VPS13B: variants seen among roughly 807,000 people sequenced by gnomAD.
The protein encoded by VPS13B is vacuolar protein sorting 13 homolog B, also known as intermembrane lipid transfer protein VPS13B.
A neutral mutation model predicts 426.4 loss-of-function variants in VPS13B; 285 were observed. The observed-to-expected ratio is 0.67, with a 90% CI of 0.61 to 0.74. The LOEUF is 0.74. Among genes scored for constraint, VPS13B ranks in the 30% least tolerant of loss-of-function variants. The pLI, the probability that VPS13B is intolerant of heterozygous loss-of-function variation, is 0.00. For synonymous variants in VPS13B, 1,676 were observed against 1,676.4 expected (o/e 1.00, Z 0.01); for missense variants, 4,537 against 4,782.6 (o/e 0.95, Z 1.51).
chr8:99,334,187 A>G (rs1053554248), intron 19 of VPS13B, among the ~76,000 whole-genome samples: 1 of 152,028 alleles, frequency 6.6e-6, no homozygotes, highest in African/African-American at 2.4e-5. Flanking sequence ...CCCACCAACA[A>G]TGTGTGTTAC....
intron 17 of VPS13B, 67 bp downstream of exon 17, chr8:99,193,124 T>A: frequency 6.7e-7 from 1 of 1,490,428 alleles, no homozygotes; most frequent in South Asian, 1.1e-5. Context: ...TATTTTATTA[T>A]GAAAATCCAT....
At chr8:99,597,346 G>A (rs980676320) in intron 33 of VPS13B, among the ~76,000 whole-genome samples, 1 of 151,980 alleles carries the variant, frequency 6.6e-6, no homozygotes. Flanking sequence ...ATAAGTTTAG[G>A]TATAATACTG....
At chr8:99,034,995 A>G (rs1842680211) in intron 2 of VPS13B, among the ~76,000 whole-genome samples, 1 of 152,182 alleles carries the variant, frequency 6.6e-6, no homozygotes. Flanking sequence ...CAGGAGTTGA[A>G]GACAAGACTG....
chr8:99,730,186 G>T (rs187325636), intron 39 of VPS13B, among the ~76,000 whole-genome samples: 1 of 152,166 alleles, frequency 6.6e-6, no homozygotes, highest in Non-Finnish European at 1.5e-5. Flanking sequence ...GTCCCAGAAG[G>T]CTTTGCTCCT....
chr8:99,471,123 C>G (rs1819382858), intron 24 of VPS13B, among the ~76,000 whole-genome samples: 1 of 152,170 alleles, frequency 6.6e-6, no homozygotes, highest in Admixed American at 6.5e-5. Context: ...TTGTCACCAG[C>G]TGCTCTATTC....
chr8:99,871,535 G>C lies in VPS13B; in HGVS notation c.11583G>C (p.Gly3861=). ...LVRGSGQEHE[G]CLLLTSEVLF... ...GGGGCTCAGGCCAGGAGCATGAAGG[G>C]TGCTTGCTGCTGACATCAGAAGTGC... is the stretch of plus-strand genomic sequence containing the variant. Residue 3861 remains glycine, a synonymous_variant, in exon 61 of 62, where the codon GGG becomes GGC. Transcript: ENST00000357162. The C allele has an allele frequency of 6.2e-7, 1 of 1,614,226 alleles. No homozygotes were observed. The highest frequency in any genetic ancestry group is 8.5e-7 in the Non-Finnish European group (1 of 1,180,048).
intron 35 of VPS13B, among the ~76,000 whole-genome samples, chr8:99,689,631 A>C (rs539880914): frequency 2.6e-5 from 4 of 152,338 alleles, no homozygotes; most frequent in African/African-American, 9.6e-5. Flanking sequence ...CAACCTGGGC[A>C]ACATAATGGG....
chr8:99,697,003 T>C (rs1832039858), intron 35 of VPS13B: 5 of 600,144 alleles, frequency 8.3e-6, no homozygotes, highest in Non-Finnish European at 1.2e-5. Flanking sequence ...AAGTGAGGTA[T>C]GTGGGCCCTC....
chr8:99,473,138 C>A (rs1428353073), intron 24 of VPS13B, among the ~76,000 whole-genome samples: 1 of 151,946 alleles, frequency 6.6e-6, no homozygotes, highest in Non-Finnish European at 1.5e-5. Flanking sequence ...TGAAGCATCC[C>A]TGCCCAACTG....
At chr8:99,216,996 G>A (rs917010490) in intron 17 of VPS13B, among the ~76,000 whole-genome samples, 1 of 152,020 alleles carries the variant, frequency 6.6e-6, no homozygotes, top group African/African-American at 2.4e-5. Flanking sequence ...CTAAAAAATG[G>A]CACATTAGCT....
At chr8:99,202,809 C>A (rs1371772748) in intron 17 of VPS13B, among the ~76,000 whole-genome samples, 1 of 151,850 alleles carries the variant, frequency 6.6e-6, no homozygotes, top group Non-Finnish European at 1.5e-5. Context: ...GCAGGTGGAT[C>A]ACGAGGTCAG....
chr8:99,429,668 C>G (rs981939883), intron 21 of VPS13B: 8 of 152,144 alleles, frequency 5.3e-5, no homozygotes, highest in Admixed American at 2.0e-4. Context: ...TTGGTTATGT[C>G]TTTGAAATGG....
intron 28 of VPS13B, among the ~76,000 whole-genome samples, chr8:99,510,117 G>T (rs1197295039): frequency 6.6e-6 from 1 of 152,190 alleles, no homozygotes; most frequent in Admixed American, 6.5e-5. Flanking sequence ...AAATGCGTTA[G>T]CTATTGATAA....
chr8:99,329,449 A>T (rs1810444168), intron 19 of VPS13B, among the ~76,000 whole-genome samples: 1 of 152,092 alleles, frequency 6.6e-6, no homozygotes, highest in African/African-American at 2.4e-5. Context: ...CACCTTAGGG[A>T]ATGCAGATCA....
At position 99,081,828 on chromosome 8, in the gene VPS13B, A is replaced by G. The variant is rs185093224; in HGVS notation, c.292-14484A>G. ...ATGGCTGCATAGTATTCCATCGTGT[A>G]TATGTGCCACATTTTCTTAATCCAG... On this transcript the variant is annotated intron_variant, in intron 3 of 61. Transcript: ENST00000357162. Among the ~76,000 whole-genome samples, 962 of 152,090 alleles carry G rather than the reference A, an allele frequency of 6.3e-3. 8 individuals carry two copies. Among genetic ancestry groups the G allele is most frequent in the African/African-American group, 0.022 (903 of 41,460 alleles).
chr8:99,821,528 C>A, intron 50 of VPS13B, 46 bp downstream of exon 50: 2 of 1,606,242 alleles, frequency 1.2e-6, no homozygotes, highest in Non-Finnish European at 1.7e-6. Context: ...CATGCCATCC[C>A]CTTAACCTGT....
chr8:99,352,170 G>A (rs1055230742), intron 19 of VPS13B, among the ~76,000 whole-genome samples: 4 of 151,990 alleles, frequency 2.6e-5, no homozygotes, highest in Non-Finnish European at 4.4e-5. Context: ...TACCGAAATG[G>A]GTCCACCTTC....
rs1846841965 is a variant in VPS13B, at chr8:99,102,985, A to C, written c.445A>C (p.Asn149His). The C allele has an allele frequency of 6.2e-7, 1 of 1,611,664 alleles. No individual in the cohort carries two copies. The highest frequency in any genetic ancestry group is 1.3e-5 in the African/African-American group (1 of 74,864). The change falls in exon 5 of 62, where the codon AAT becomes CAT. Residue 149 changes from asparagine to histidine, a missense_variant. Physicochemically the swap from Asn to His is moderately conservative, Grantham distance 68 (BLOSUM62 1). Around this residue, in one of 2 missense-constraint regions of VPS13B, gnomAD observed 226 missense variants for 308.3 expected, o/e 0.73. Transcript: ENST00000357162. The part of the protein sequence containing the change: ...YVQSLIRRVV[N>H]NVNIVINNLI... ...GCAGAGTCTGATTAGACGAGTTGTA[A>C]ATAATGTAAACATTGTGATAAATAA...
intron 19 of VPS13B, among the ~76,000 whole-genome samples, chr8:99,324,614 A>T (rs984920694): frequency 6.6e-6 from 1 of 152,196 alleles, no homozygotes; most frequent in African/African-American, 2.4e-5. Context: ...AAAAGAAAAA[A>T]TGTCCTGTTC....
Sources: allele counts gnomAD v4.1 joint callset (sites outside exome capture counted in the v4.1 genomes callset), GRCh38; gene constraint gnomAD v4.1.1; regional missense constraint gnomAD v4.1.1; transcripts MANE v1.5; gene names NCBI Gene and HGNC (gene_info 2026-07-23, HGNC 2026-07-21).